INPP4B: variants seen among roughly 807,000 people sequenced by gnomAD.
INPP4B encodes the protein inositol polyphosphate-4-phosphatase type II B, also known as inositol polyphosphate 4-phosphatase type II.
In INPP4B, 55 loss-of-function variants were observed where a neutral mutation model predicts 122.5. That is an observed-to-expected ratio of 0.45 (90% CI 0.36 to 0.56). The LOEUF is 0.56. Ranked by LOEUF, INPP4B falls within the 20% of genes least tolerant of loss-of-function variation. INPP4B has a pLI of 0.00. For synonymous variants in INPP4B, 403 were observed against 388.7 expected (o/e 1.04, Z -0.43); for missense variants, 1,000 against 1,097.7 (o/e 0.91, Z 1.26).
At chr4:142,497,627 A>T (rs73850893) in intron 2 of INPP4B, among the ~76,000 whole-genome samples, 3,242 of 152,302 alleles carry the variant, frequency 0.021, 115 homozygotes, top group African/African-American at 0.072. Flanking sequence ...ACAGCAGTAC[A>T]CTTAAACATA....
At chr4:142,757,854 T>A (rs1258175554) in intron 1 of INPP4B, among the ~76,000 whole-genome samples, 1 of 152,226 alleles carries the variant, frequency 6.6e-6, no homozygotes, top group Non-Finnish European at 1.5e-5. Context: ...GCATTTTCAC[T>A]ATTTTGTATT....
intron 21 of INPP4B, among the ~76,000 whole-genome samples, chr4:142,120,113 T>C (rs1479046126): frequency 6.6e-6 from 1 of 152,014 alleles, no homozygotes; most frequent in East Asian, 1.9e-4. Flanking sequence ...CCATTCTCCA[T>C]TGAATTACCT....
At chr4:142,384,752 G>T (rs925383698) in intron 7 of INPP4B, among the ~76,000 whole-genome samples, 1 of 151,996 alleles carries the variant, frequency 6.6e-6, no homozygotes, top group Non-Finnish European at 1.5e-5. Flanking sequence ...GTGTCATGGG[G>T]GTTTGTTGTG....
intron 9 of INPP4B, among the ~76,000 whole-genome samples, chr4:142,281,841 T>G (rs1484185894): frequency 6.6e-6 from 1 of 152,058 alleles, no homozygotes; most frequent in East Asian, 1.9e-4. Flanking sequence ...TTTAAATTTT[T>G]TAAATTCTCA....
At position 142,647,417 on chromosome 4, in the gene INPP4B, A is replaced by C. The variant is rs1216772171; in HGVS notation, c.-191+78422T>G. ...AACCCTTTCCTATTTTTATTGGTAC[A>C]AGAAGATAGAGGGCATGAAGGAAGA... On this transcript the variant is annotated intron_variant, in intron 2 of 25. Transcript: ENST00000262992. Among the ~76,000 whole-genome samples, 6 of 152,198 alleles carry C rather than the reference A, an allele frequency of 3.9e-5. No homozygotes were observed. The East Asian group carries it at 1.2e-3, about 29-fold the overall frequency.
intron 7 of INPP4B, among the ~76,000 whole-genome samples, chr4:142,382,768 G>A (rs2148878393): frequency 6.7e-6 from 1 of 149,806 alleles, no homozygotes; most frequent in African/African-American, 2.5e-5. Flanking sequence ...TATTTACCAA[G>A]GTGTCTTGGG....
intron 12 of INPP4B, among the ~76,000 whole-genome samples, chr4:142,231,612 C>A (rs1854406157): frequency 6.6e-6 from 1 of 152,034 alleles, no homozygotes; most frequent in Non-Finnish European, 1.5e-5. Flanking sequence ...ACAAGTAAAT[C>A]CACAGTAAAA....
intron 2 of INPP4B, among the ~76,000 whole-genome samples, chr4:142,665,646 T>C (rs1482866494): frequency 1.3e-5 from 2 of 152,068 alleles, no homozygotes; most frequent in African/African-American, 4.8e-5. Context: ...GTCAAAGAAG[T>C]ATAAAAAATG....
intron 9 of INPP4B, among the ~76,000 whole-genome samples, chr4:142,295,142 A>G (rs757767979): frequency 3.3e-5 from 5 of 152,188 alleles, no homozygotes; most frequent in Non-Finnish European, 7.3e-5. Flanking sequence ...CATAAGAGCT[A>G]AGTTCAGTTT....
chr4:142,535,950 A>G (rs1477580160), intron 2 of INPP4B, among the ~76,000 whole-genome samples: 1 of 152,092 alleles, frequency 6.6e-6, no homozygotes, highest in Non-Finnish European at 1.5e-5. Context: ...TGTCTACATC[A>G]TGCATTATAT....
At chr4:142,829,387 C>A (rs1275801777) in intron 1 of INPP4B, among the ~76,000 whole-genome samples, 1 of 152,120 alleles carries the variant, frequency 6.6e-6, no homozygotes, top group African/African-American at 2.4e-5. Flanking sequence ...ATGCCCTTGG[C>A]TTTTGCCCTG....
intron 1 of INPP4B, among the ~76,000 whole-genome samples, chr4:142,758,617 C>T (rs993927439): frequency 1.3e-5 from 2 of 152,086 alleles, no homozygotes; most frequent in African/African-American, 4.8e-5. Context: ...AAATATATCA[C>T]ATAGAGATCA....
intron 11 of INPP4B, among the ~76,000 whole-genome samples, chr4:142,253,482 G>C (rs182719478): frequency 6.6e-6 from 1 of 152,200 alleles, no homozygotes; most frequent in South Asian, 2.1e-4. Context: ...AGTGGGCGCA[G>C]GTCAGTGGGT....
At chr4:142,093,839 A>G (rs911027209) in intron 23 of INPP4B, among the ~76,000 whole-genome samples, 1 of 152,100 alleles carries the variant, frequency 6.6e-6, no homozygotes, top group African/African-American at 2.4e-5. Flanking sequence ...TGACATACAC[A>G]CTTTCAGTGC....
chr4:142,227,790 A>G (rs201960370), intron 12 of INPP4B, among the ~76,000 whole-genome samples: 1 of 144,932 alleles, frequency 6.9e-6, no homozygotes, highest in African/African-American at 2.6e-5. Context: ...CCCAGGAGGC[A>G]GAGGTTGCAG....
At chr4:142,732,403 C>A (rs1380233170) in intron 1 of INPP4B, among the ~76,000 whole-genome samples, 1 of 151,726 alleles carries the variant, frequency 6.6e-6, no homozygotes, top group Admixed American at 6.6e-5. Context: ...AATTTTAATT[C>A]ATTTCTTTTA....
At chr4:142,202,443 G>T (rs190814061) in intron 14 of INPP4B, among the ~76,000 whole-genome samples, 2 of 152,206 alleles carry the variant, frequency 1.3e-5, no homozygotes, top group East Asian at 3.9e-4. Context: ...GGAAATCTGT[G>T]TCAAAATAGT....
chr4:142,750,265 T>C (rs1224007496), intron 1 of INPP4B, among the ~76,000 whole-genome samples: 1 of 152,026 alleles, frequency 6.6e-6, no homozygotes, highest in East Asian at 1.9e-4. Context: ...AAAGGCCAAA[T>C]TTCTCCAGAT....
At chr4:142,460,809 C>T (rs1816571693) in intron 3 of INPP4B, among the ~76,000 whole-genome samples, 1 of 151,288 alleles carries the variant, frequency 6.6e-6, no homozygotes, top group Non-Finnish European at 1.5e-5. Flanking sequence ...ACTTCTCTTC[C>T]AAAATAAGCA....
Sources: gnomAD v4.1 joint callset for allele counts (sites outside exome capture counted in the v4.1 genomes callset) on GRCh38, gnomAD v4.1.1 for gene constraint, MANE v1.5 for transcripts, NCBI Gene and HGNC (gene_info 2026-07-23, HGNC 2026-07-21) for gene names.